Variants in WFDC11 observed in about 807,000 individuals in gnomAD.
The protein encoded by WFDC11 is protein WFDC11.
Under a neutral mutation model 9.9 loss-of-function variants are expected in WFDC11, and 9 were observed. The observed-to-expected ratio is 0.91, with a 90% CI of 0.55 to 1.58. WFDC11 has a LOEUF of 1.58. Among genes scored for constraint, WFDC11 ranks in the 40% most tolerant of loss-of-function variants. The pLI is 0.00. For synonymous variants in WFDC11, 32 were observed against 33.3 expected (o/e 0.96, Z 0.13); for missense variants, 106 against 101.7 (o/e 1.04, Z -0.18).
intron 2 of WFDC11, among the ~76,000 whole-genome samples, chr20:45,659,425 C>T (rs1983005160): frequency 6.6e-6 from 1 of 152,186 alleles, no homozygotes; most frequent in African/African-American, 2.4e-5. Context: ...GAGATGGTAT[C>T]TCATTGTGGT....
At chr20:45,664,931 T>C (rs941566607) in intron 2 of WFDC11, among the ~76,000 whole-genome samples, 2 of 152,146 alleles carry the variant, frequency 1.3e-5, no homozygotes, top group African/African-American at 4.8e-5. Context: ...TTTGTGATGT[T>C]CTCGTATTTC....
At chr20:45,649,590 C>T (rs748485323) in intron 3 of WFDC11, among the ~76,000 whole-genome samples, 191 bp from the exon 4 acceptor site, 5 of 152,150 alleles carry the variant, frequency 3.3e-5, no homozygotes, top group Non-Finnish European at 7.3e-5. Flanking sequence ...ATTCACTGAC[C>T]CTATTGCATC....
Position 45,660,804 on chromosome 20 carries a change from T to C in WFDC11, c.-52+6284A>G, listed in dbSNP as rs1237173710. On this transcript the variant is annotated intron_variant, in intron 2 of 4. Transcript: ENST00000324384. The stretch of plus-strand genomic sequence containing the variant: ...GTGTATATGTGCCACATTTTCTTAA[T>C]CCAGTCTATCATTGTTGGACATTTG... Among the ~76,000 whole-genome samples the C allele has an allele frequency of 3.9e-5, 6 of 152,220 alleles. No homozygotes were observed. The South Asian group carries it at 6.2e-4, about 16-fold the overall frequency.
rs145798303 is a variant in WFDC11, at chr20:45,650,622, CAGA to C, written c.-25_-23del. 1.9e-3 allele frequency: 2,986 copies of C among 1,598,684 alleles called. 48 individuals carry two copies. The African/African-American group carries it at 0.035, about 19-fold the overall frequency. ...CCATATGTGTCTGAATATGTGTTGT[CAGA>C]AGGATTATTTTTCTTCCCAGTCGCT... On this transcript the variant is annotated 5_prime_UTR_variant, in exon 3 of 5. Coordinates refer to ENST00000324384, the MANE Select transcript of WFDC11 (RefSeq NM_147197.2).
At chr20:45,652,400 C>G (rs1049355325) in intron 2 of WFDC11, among the ~76,000 whole-genome samples, 2 of 152,140 alleles carry the variant, frequency 1.3e-5, no homozygotes, top group African/African-American at 4.8e-5. Context: ...AACTAACAAA[C>G]AGAAAGGACA....
At chr20:45,656,688 C>T (rs1376211442) in intron 2 of WFDC11, among the ~76,000 whole-genome samples, 3 of 152,192 alleles carry the variant, frequency 2.0e-5, no homozygotes, top group African/African-American at 7.2e-5. Flanking sequence ...ATCTACCCAT[C>T]TGACAAAGGG....
At chr20:45,654,840 C>T (rs1359411973) in intron 2 of WFDC11, among the ~76,000 whole-genome samples, 1 of 152,004 alleles carries the variant, frequency 6.6e-6, no homozygotes, top group Admixed American at 6.6e-5. Context: ...AGAAGAAAGG[C>T]ATAAATTCCT....
chr20:45,666,897 G>A (rs1360981252), intron 2 of WFDC11, among the ~76,000 whole-genome samples, 191 bp downstream of exon 2: 1 of 152,186 alleles, frequency 6.6e-6, no homozygotes, highest in East Asian at 1.9e-4. Flanking sequence ...GGCACACAAT[G>A]TCTATCCATG....
intron 2 of WFDC11, among the ~76,000 whole-genome samples, chr20:45,653,570 A>G (rs953687574): frequency 2.0e-5 from 3 of 152,176 alleles, no homozygotes; most frequent in African/African-American, 7.2e-5. Context: ...GATCAAATTC[A>G]CACATAACCA....
At chr20:45,649,684 T>C (rs1982759676) in intron 3 of WFDC11, among the ~76,000 whole-genome samples, 1 of 152,172 alleles carries the variant, frequency 6.6e-6, no homozygotes, top group South Asian at 2.1e-4. Flanking sequence ...ATCCCAACGA[T>C]AAAACTCAGT....
At chr20:45,656,416 A>C (rs1187339237) in intron 2 of WFDC11, among the ~76,000 whole-genome samples, 4 of 152,220 alleles carry the variant, frequency 2.6e-5, no homozygotes, top group Non-Finnish European at 5.9e-5. Flanking sequence ...CTTTCCTTAC[A>C]CCTTATACAA....
chr20:45,661,707 T>G (rs1225556438), intron 2 of WFDC11, among the ~76,000 whole-genome samples: 1 of 152,166 alleles, frequency 6.6e-6, no homozygotes, highest in Non-Finnish European at 1.5e-5. Context: ...TTCTCAGGTT[T>G]GTCAAAGATC....
intron 1 of WFDC11, among the ~76,000 whole-genome samples, chr20:45,669,538 G>A (rs1345332940): frequency 6.6e-6 from 1 of 152,062 alleles, no homozygotes; most frequent in African/African-American, 2.4e-5. Context: ...ACACTTACAT[G>A]TGCTTGTTAG....
intron 2 of WFDC11, among the ~76,000 whole-genome samples, chr20:45,659,447 T>A (rs1356303411): frequency 1.3e-5 from 2 of 152,368 alleles, no homozygotes; most frequent in African/African-American, 2.4e-5. Context: ...TTGATTTGCA[T>A]TTCTCTAATG....
intron 2 of WFDC11, among the ~76,000 whole-genome samples, chr20:45,665,500 T>G (rs571534697): frequency 6.6e-6 from 1 of 152,336 alleles, no homozygotes; most frequent in South Asian, 2.1e-4. Context: ...AGAGGCACTC[T>G]GGTTTTTAGA....
rs1027362555 is a variant in WFDC11, at chr20:45,667,074, T to A, written c.-52+14A>T. On this transcript the variant is annotated intron_variant, in intron 2 of 4. Coordinates refer to ENST00000324384, the MANE Select transcript of WFDC11 (RefSeq NM_147197.2). ...GCTCACACTTCCAGCCCCAGGACCC[T>A]GACCCCCACCTACCTTTGAAGATGT... is the stretch of plus-strand genomic sequence containing the variant. 4.6e-5 allele frequency: 7 copies of A among 152,288 alleles called. No homozygotes were observed. Among genetic ancestry groups the A allele is most frequent in the African/African-American group, 1.7e-4 (7 of 41,464 alleles). The allele number at this position is 152,288 out of a possible 1,614,324, so 9.4% of individuals were successfully genotyped here.
chr20:45,662,001 C>A (rs549389759), intron 2 of WFDC11, among the ~76,000 whole-genome samples: 3 of 152,118 alleles, frequency 2.0e-5, no homozygotes, highest in Admixed American at 6.5e-5. Flanking sequence ...CTATAAATTA[C>A]CTTGGACAGT....
At chr20:45,666,391 C>A (rs1281685878) in intron 2 of WFDC11, among the ~76,000 whole-genome samples, 2 of 152,214 alleles carry the variant, frequency 1.3e-5, no homozygotes, top group Non-Finnish European at 2.9e-5. Context: ...GGTGAGGCGA[C>A]ACCCCACCCT....
chr20:45,649,156 G>A, intron 4 of WFDC11, 101 bp downstream of exon 4: 1 of 1,405,688 alleles, frequency 7.1e-7, no homozygotes, highest in Non-Finnish European at 9.7e-7. Flanking sequence ...TTTGTACCTA[G>A]AATTTGGGGT....
Sources: allele counts gnomAD v4.1 joint callset (sites outside exome capture counted in the v4.1 genomes callset), GRCh38; gene constraint gnomAD v4.1.1; transcripts MANE v1.5; gene names NCBI Gene and HGNC (gene_info 2026-07-23, HGNC 2026-07-21).